SLC4A4: variants seen among roughly 807,000 people sequenced by gnomAD.
The protein encoded by SLC4A4 is electrogenic sodium bicarbonate cotransporter 1.
A neutral mutation model predicts 111.5 loss-of-function variants in SLC4A4; 27 were observed. That is an observed-to-expected ratio of 0.24 (90% CI 0.18 to 0.33). SLC4A4 has a LOEUF of 0.33. Among genes scored for constraint, SLC4A4 ranks in the 10% least tolerant of loss-of-function variants. The pLI, the probability that SLC4A4 is intolerant of heterozygous loss-of-function variation, is 1.00. For synonymous variants in SLC4A4, 443 were observed against 463.4 expected (o/e 0.96, Z 0.57); for missense variants, 909 against 1,315.5 (o/e 0.69, Z 4.78).
intron 16 of SLC4A4, among the ~76,000 whole-genome samples, chr4:71,525,058 G>A (rs1223053318): frequency 6.6e-6 from 1 of 152,018 alleles, no homozygotes; most frequent in African/African-American, 2.4e-5. Context: ...TAAATTAACT[G>A]GCTTCTCACT....
In SLC4A4 at chr4:71,567,894, C is replaced by A. The variant is rs780709856; in HGVS notation, c.*143C>A. 1.2e-5 allele frequency: 18 copies of A among 1,441,542 alleles called. No individual in the cohort carries two copies. The highest frequency in any genetic ancestry group is 1.7e-5 in the Non-Finnish European group (18 of 1,056,536). The allele number at this position is 1,441,542 out of a possible 1,614,324, so 89.3% of individuals were successfully genotyped here. A position where few individuals can be genotyped will look rare whatever the true frequency, so the allele number is the denominator to read the frequency against. ...CAAGGGAACAGAAACTACATTGTAA[C>A]CTGTTTGTCTTTCTTAAAACTGACA... On this transcript the variant is annotated 3_prime_UTR_variant, in exon 26 of 26. Transcript: ENST00000264485.
At chr4:71,181,511 C>G (rs1472488055) in intron 2 of SLC4A4, among the ~76,000 whole-genome samples, 1 of 152,120 alleles carries the variant, frequency 6.6e-6, no homozygotes, top group Non-Finnish European at 1.5e-5. Context: ...AATAAATACA[C>G]AGATAGAGTC....
chr4:71,567,198 C>A (rs990548844), intron 25 of SLC4A4, 115 bp downstream of exon 25: 1 of 856,358 alleles, frequency 1.2e-6, no homozygotes, highest in African/African-American at 1.8e-5. Context: ...TATTATTTAT[C>A]TTAAATAAAT....
intron 3 of SLC4A4, among the ~76,000 whole-genome samples, chr4:71,325,173 G>T (rs1727411396): frequency 1.3e-5 from 2 of 151,740 alleles, no homozygotes; most frequent in Admixed American, 1.3e-4. Context: ...ATTGGTTGGG[G>T]TAAAGGTATG....
intron 18 of SLC4A4, among the ~76,000 whole-genome samples, chr4:71,542,918 T>A (rs1315110130): frequency 6.6e-6 from 1 of 152,078 alleles, no homozygotes; most frequent in Non-Finnish European, 1.5e-5. Context: ...CATCAAACAT[T>A]TATCTATAGT....
chr4:71,268,075 G>GTCTTTTTTTT (rs1722422390), intron 3 of SLC4A4, among the ~76,000 whole-genome samples: 1 of 87,586 alleles, frequency 1.1e-5, no homozygotes, highest in Non-Finnish European at 2.0e-5. Flanking sequence ...ATAAAGTAGT[G>GTCTTTTTTTT]TTTTTTTTTT....
chr4:71,307,032 C>A (rs775375626), intron 3 of SLC4A4, among the ~76,000 whole-genome samples: 1 of 152,002 alleles, frequency 6.6e-6, no homozygotes, highest in Non-Finnish European at 1.5e-5. Context: ...CTGTTTAATG[C>A]GCGGTAGGAA....
At chr4:71,188,536 C>T (rs1029958594) in intron 1 of SLC4A4, among the ~76,000 whole-genome samples, 2 of 152,184 alleles carry the variant, frequency 1.3e-5, no homozygotes, top group Non-Finnish European at 1.5e-5. Context: ...GCAGCAGTTC[C>T]TTTCCTAAGA....
chr4:71,108,897 T>C (rs1176958975), intron 2 of SLC4A4, among the ~76,000 whole-genome samples: 1 of 152,158 alleles, frequency 6.6e-6, no homozygotes, highest in Non-Finnish European at 1.5e-5. Context: ...CTTGAATTTC[T>C]CCATGTCTTC....
chr4:71,444,525 T>C (rs150822466), intron 8 of SLC4A4, among the ~76,000 whole-genome samples: 232 of 152,318 alleles, frequency 1.5e-3, no homozygotes, highest in Admixed American at 4.2e-3. Flanking sequence ...ATGTGATGTT[T>C]ACTCTAATTT....
rs949387292 is a variant in SLC4A4, at chr4:71,187,311, A to AGGC, written c.-76_-74dup. 1.3e-3 allele frequency: 197 copies of AGGC among 154,480 alleles called. 1 individual carries two copies. Among genetic ancestry groups the AGGC allele is most frequent in the Admixed American group, 2.2e-3 (33 of 15,102 alleles). 9.6% of individuals were successfully genotyped at this position (154,480 alleles called of 1,614,324 possible). On this transcript the variant is annotated 5_prime_UTR_variant, in exon 1 of 26. Coordinates refer to ENST00000264485, the MANE Select transcript of SLC4A4 (RefSeq NM_001098484.3). Reference sequence around the variant, plus strand: ...GCGGCGGCGGCCGCGGTGGCAGCGAAGGCGGCGGCGGCGGCGGCAGTGGCA... The same window carrying AGGC: ...GCGGCGGCGGCCGCGGTGGCAGCGAAGGCGGCGGCGGCGGCGGCGGCAGTGGCA...
chr4:71,397,614 C>T lies in SLC4A4; in HGVS notation c.768C>T (p.Ser256=). The change falls in exon 7 of 26, where the codon TCC becomes TCT. Residue 256 remains serine, a synonymous_variant. Transcript: ENST00000264485. Reference sequence around the variant, plus strand: ...TGACCCATAGGAATCTGACTTCCTCCAGTCTGAATGACATTTCTGATAAAC... The same window carrying T: ...TGACCCATAGGAATCTGACTTCCTCTAGTCTGAATGACATTTCTGATAAAC... ...PAMTHRNLTS[S]SLNDISDKPE... The T allele has an allele frequency of 1.2e-6, 2 of 1,614,004 alleles. No homozygotes were observed. The highest frequency in any genetic ancestry group is 1.7e-6 in the Non-Finnish European group (2 of 1,179,910).
At chr4:71,287,515 T>C (rs1724013651) in intron 3 of SLC4A4, among the ~76,000 whole-genome samples, 1 of 152,242 alleles carries the variant, frequency 6.6e-6, no homozygotes, top group East Asian at 1.9e-4. Flanking sequence ...TAATACCAGC[T>C]GGCATTTGAC....
intron 7 of SLC4A4, among the ~76,000 whole-genome samples, chr4:71,422,341 A>G (rs1156740977): frequency 2.0e-5 from 3 of 147,108 alleles, no homozygotes; most frequent in African/African-American, 7.6e-5. Context: ...TGTGGCAATA[A>G]TCAATAGCTT....
chr4:71,310,451 A>C (rs1271082032), intron 3 of SLC4A4, among the ~76,000 whole-genome samples: 1 of 152,222 alleles, frequency 6.6e-6, no homozygotes, highest in African/African-American at 2.4e-5. Context: ...AGGTCTGGTT[A>C]CCTACAAAAG....
In SLC4A4 at chr4:71,236,234, A is replaced by ATTTT. The variant is rs34835011; in HGVS notation, c.-1-329_-1-326dup. 14 of 958,340 alleles carry ATTTT rather than the reference A, an allele frequency of 1.5e-5. No homozygotes were observed. The South Asian group carries it at 1.9e-4, about 13-fold the overall frequency. 59.4% of individuals were successfully genotyped at this position (958,340 alleles called of 1,614,324 possible). On this transcript the variant is annotated intron_variant, in intron 1 of 25. Coordinates refer to ENST00000264485, the MANE Select transcript of SLC4A4 (RefSeq NM_001098484.3). ...GACACACCAAACTTCCTCTCTTGGT[A>ATTTT]TTTTTTTTTTTTTTTTGCTTTCATC...
At chr4:71,112,082 T>G (rs1230861448) in intron 2 of SLC4A4, among the ~76,000 whole-genome samples, 1 of 152,228 alleles carries the variant, frequency 6.6e-6, no homozygotes, top group Non-Finnish European at 1.5e-5. Flanking sequence ...CATCTGAGTT[T>G]ACAGATGAAT....
intron 14 of SLC4A4, among the ~76,000 whole-genome samples, chr4:71,483,201 A>G (rs1331097917): frequency 6.6e-6 from 1 of 151,574 alleles, no homozygotes; most frequent in African/African-American, 2.4e-5. Context: ...AGTTCGGGAT[A>G]CATGTGCAGG....
chr4:71,453,441 A>C, intron 11 of SLC4A4, 54 bp from the exon 12 acceptor site: 1 of 1,533,276 alleles, frequency 6.5e-7, no homozygotes. Context: ...CTCTTGATTA[A>C]TTTGATGGTA....
Sources: allele counts gnomAD v4.1 joint callset (sites outside exome capture counted in the v4.1 genomes callset), GRCh38; gene constraint gnomAD v4.1.1; transcripts MANE v1.5; gene names NCBI Gene and HGNC (gene_info 2026-07-23, HGNC 2026-07-21).